The following PTPN13 variants were observed in gnomAD, a reference collection of about 807,000 sequenced individuals.
PTPN13 encodes tyrosine-protein phosphatase non-receptor type 13.
PTPN13 carries 191 observed loss-of-function variants against 284.0 expected under a neutral mutation model. The ratio of observed to expected loss-of-function variants is 0.67; its 90% CI spans 0.60 to 0.76. The LOEUF (loss-of-function observed/expected upper bound fraction) is 0.76. PTPN13 is among the 30% of genes least tolerant of loss of function. The pLI is 0.00. For missense variants in PTPN13, 2,797 were observed against 2,939.9 expected (o/e 0.95, Z 1.12); for synonymous variants, 986 against 1,022.3 (o/e 0.96, Z 0.68).
chr4:86,689,534 A>G, intron 5 of PTPN13: 1 of 626,770 alleles, frequency 1.6e-6, no homozygotes, highest in Admixed American at 2.7e-5. Context: ...ATGTATTAAC[A>G]TGAAAATGGG....
At chr4:86,798,256 G>C (rs28696860) in intron 41 of PTPN13, among the ~76,000 whole-genome samples, 15,151 of 152,240 alleles carry the variant, frequency 0.1, 875 homozygotes, top group Non-Finnish European at 0.11. Context: ...GAACTCTCCA[G>C]TGAAGCTTTC....
intron 40 of PTPN13, among the ~76,000 whole-genome samples, chr4:86,790,926 G>A (rs953201308): frequency 9.9e-5 from 15 of 152,102 alleles, no homozygotes; most frequent in Non-Finnish European, 2.2e-4. Context: ...CAACGAAATC[G>A]ACGCAGAAGA....
intron 1 of PTPN13, among the ~76,000 whole-genome samples, chr4:86,618,959 C>A (rs1040814849): frequency 6.6e-6 from 1 of 152,162 alleles, no homozygotes; most frequent in Non-Finnish European, 1.5e-5. Context: ...GAACTTCCAA[C>A]AGTACGTTGA....
rs746939925 is a variant in PTPN13, at chr4:86,723,938, C to T, written c.1608+1504C>T. On this transcript the variant is annotated intron_variant, in intron 10 of 47. Coordinates refer to ENST00000411767, the MANE Select transcript of PTPN13 (RefSeq NM_080683.3). The stretch of plus-strand genomic sequence containing the variant: ...TTGCTTCAGAGAATTATCTTAAAAG[C>T]ACATTTGTATGCTCTGAAGATAATA... Among the ~76,000 whole-genome samples the T allele has an allele frequency of 8.5e-5, 13 of 152,142 alleles. No individual in the cohort carries two copies. In the Middle Eastern group the frequency reaches 0.01, roughly 119 times the overall value.
At chr4:86,680,174 G>C (rs565122569) in intron 3 of PTPN13, among the ~76,000 whole-genome samples, 3 of 152,148 alleles carry the variant, frequency 2.0e-5, no homozygotes, top group Admixed American at 1.3e-4. Context: ...GTCAAATGCT[G>C]TGCTAGGTCT....
At position 86,689,122 on chromosome 4, in the gene PTPN13, A is replaced by G. The variant is rs972518770; in HGVS notation, c.478A>G (p.Ser160Gly). 3.7e-6 allele frequency: 6 copies of G among 1,613,562 alleles called. No individual in the cohort carries two copies. Among genetic ancestry groups the G allele is most frequent in the African/African-American group, 1.3e-5 (1 of 75,052 alleles). The change falls in exon 5 of 48, where the codon AGC becomes GGC. Residue 160 changes from serine (S) to glycine (G), a missense_variant. By Grantham distance (56) the Ser-to-Gly change is moderately conservative. Transcript: ENST00000411767. ...TGCTTGCAGTGCCCACATTAGGAAT[A>G]GCAATTGTGCACCCTCATTTTCCTA... Reference protein sequence around the residue: ...LDACSAHIRNSNCAPSFSYVK... With the variant: ...LDACSAHIRNGNCAPSFSYVK...
chr4:86,805,491 T>G, intron 44 of PTPN13, 122 bp downstream of exon 44: 1 of 492,480 alleles, frequency 2.0e-6, no homozygotes, highest in Middle Eastern at 3.0e-4. Flanking sequence ...CATTCACAGA[T>G]TTATATCAGT....
At chr4:86,693,545 A>G in intron 5 of PTPN13, 42 bp from the exon 6 acceptor site, 1 of 1,296,010 alleles carries the variant, frequency 7.7e-7, no homozygotes, top group Admixed American at 2.4e-5. Context: ...AACAAAAGGG[A>G]GATCCTTTTG....
At chr4:86,673,564 G>C (rs961404076) in intron 3 of PTPN13, among the ~76,000 whole-genome samples, 1 of 152,210 alleles carries the variant, frequency 6.6e-6, no homozygotes, top group Admixed American at 6.5e-5. Context: ...GCCAGAACTT[G>C]AGGCTTTCTT....
rs61757789 is a variant in PTPN13 at position 86,722,325 on chromosome 4, G to A, written c.1499G>A (p.Arg500Gln). Residue 500 changes from arginine to glutamine, a missense_variant, in exon 10 of 48, where the codon CGG becomes CAG. By Grantham distance (43) the Arg-to-Gln change is conservative. Transcript: ENST00000411767. ...LQAKMALRQS[R>Q]LSLYPGDTIK... ...GCCAAAATGGCCCTTAGACAGTCTC[G>A]GTTGAGCCTATATCCAGGAGACACA... is the stretch of plus-strand genomic sequence containing the variant. 63 of 1,613,572 alleles carry A rather than the reference G, an allele frequency of 3.9e-5. No homozygotes were observed. Among genetic ancestry groups the A allele is most frequent in the African/African-American group, 8.0e-5 (6 of 74,850 alleles).
intron 1 of PTPN13, among the ~76,000 whole-genome samples, chr4:86,610,197 C>G (rs1481057871): frequency 2.6e-5 from 4 of 151,954 alleles, no homozygotes; most frequent in Non-Finnish European, 5.9e-5. Context: ...CAGACGACAG[C>G]AAAACTCCAT....
chr4:86,595,189 A>G (rs1046420120), intron 1 of PTPN13, among the ~76,000 whole-genome samples: 7 of 151,938 alleles, frequency 4.6e-5, no homozygotes, highest in Admixed American at 1.3e-4. Flanking sequence ...GTCTGTTTCT[A>G]ATTTCTGCAA....
intron 12 of PTPN13, among the ~76,000 whole-genome samples, chr4:86,733,071 A>G (rs986072289): frequency 4.6e-5 from 7 of 152,114 alleles, no homozygotes; most frequent in East Asian, 1.9e-4. Context: ...TGTGTACTCT[A>G]GAAATTAGTA....
intron 7 of PTPN13, among the ~76,000 whole-genome samples, chr4:86,713,822 A>G (rs1035846909): frequency 6.6e-6 from 1 of 152,110 alleles, no homozygotes; most frequent in Non-Finnish European, 1.5e-5. Context: ...CATCATCCCT[A>G]TTCTGGTTCC....
chr4:86,648,865 C>T (rs1329943744), intron 2 of PTPN13, among the ~76,000 whole-genome samples: 1 of 152,064 alleles, frequency 6.6e-6, no homozygotes, highest in Non-Finnish European at 1.5e-5. Flanking sequence ...CAAGGGTTCC[C>T]CTTTCTTCTT....
rs770619295 is a variant in PTPN13 at position 86,751,135 on chromosome 4, A to C, written c.3166+11A>C. 1.5e-5 allele frequency: 23 copies of C among 1,531,968 alleles called. No homozygotes were observed. Among genetic ancestry groups the C allele is most frequent in the Non-Finnish European group, 2.0e-5 (22 of 1,108,324 alleles). 94.9% of individuals were successfully genotyped at this position (1,531,968 alleles called of 1,614,324 possible). On this transcript the variant is annotated intron_variant, in intron 19 of 47. Coordinates refer to ENST00000411767, the MANE Select transcript of PTPN13 (RefSeq NM_080683.3). Reference sequence around the variant, plus strand: ...AAGCATATGTTCTAGGTCAGCAAAAACAAGCTTACCTTCTTTGTCCCATAC... The same window carrying C: ...AAGCATATGTTCTAGGTCAGCAAAACCAAGCTTACCTTCTTTGTCCCATAC...
intron 1 of PTPN13, among the ~76,000 whole-genome samples, chr4:86,611,930 C>T (rs551412393): frequency 5.3e-5 from 8 of 152,130 alleles, no homozygotes; most frequent in African/African-American, 1.7e-4. Flanking sequence ...TCAAAGAAAC[C>T]GTACTTGTGC....
intron 5 of PTPN13, chr4:86,689,621 T>C (rs1320032523): frequency 2.8e-6 from 2 of 701,958 alleles, no homozygotes; most frequent in South Asian, 1.5e-5. Context: ...ATCTTCTAGG[T>C]ATTTCCCAAA....
At chr4:86,740,825 C>T (rs1168115139) in intron 15 of PTPN13, among the ~76,000 whole-genome samples, 1 of 152,088 alleles carries the variant, frequency 6.6e-6, no homozygotes, top group African/African-American at 2.4e-5. Flanking sequence ...TTAGAAATTT[C>T]TTCCACAAGA....
Sources: gnomAD v4.1 joint callset for allele counts (sites outside exome capture counted in the v4.1 genomes callset) on GRCh38, gnomAD v4.1.1 for gene constraint, MANE v1.5 for transcripts, NCBI Gene and HGNC (gene_info 2026-07-23, HGNC 2026-07-21) for gene names.